OR4K1: variants seen among roughly 807,000 people sequenced by gnomAD.
The protein encoded by OR4K1 is olfactory receptor 4K1.
OR4K1 carries 16 observed loss-of-function variants against 14.4 expected under a neutral mutation model. That is an observed-to-expected ratio of 1.11 (90% CI 0.75 to 1.68). The LOEUF (loss-of-function observed/expected upper bound fraction) is 1.68. OR4K1 is among the 40% of genes most tolerant of loss of function. The pLI is 0.00. For synonymous variants in OR4K1, 181 were observed against 133.1 expected (o/e 1.36, Z -2.48); for missense variants, 548 against 376.9 (o/e 1.45, Z -3.76).
chr14:19,920,874 G>C, the OR4K1 span: 15 of 1,614,010 alleles, frequency 9.3e-6, no homozygotes, highest in Non-Finnish European at 1.3e-5. Context: ...GAGTGCACAC[G>C]AGACCATATC....
chr14:19,934,069 T>C (rs1186573850), intron 1 of OR4K1, among the ~76,000 whole-genome samples: 1 of 152,268 alleles, frequency 6.6e-6, no homozygotes, highest in Admixed American at 6.5e-5. Flanking sequence ...AAATATAAAA[T>C]ATTTATTATT....
the OR4K1 span, chr14:19,921,652 T>C: frequency 7.0e-7 from 1 of 1,426,456 alleles, no homozygotes; most frequent in Non-Finnish European, 9.5e-7. Flanking sequence ...TGTATCTCAA[T>C]TGTGGGGAAA....
the OR4K1 span, chr14:19,920,612 T>TAA: frequency 6.2e-6 from 10 of 1,601,786 alleles, no homozygotes; most frequent in Non-Finnish European, 8.5e-6. Context: ...GAACCATGGA[T>TAA]AAGTCCAATT....
the OR4K1 span, chr14:19,920,575 G>A: frequency 1.3e-6 from 2 of 1,567,082 alleles, no homozygotes; most frequent in Non-Finnish European, 1.7e-6. Context: ...CTCCTTTAGA[G>A]TTGTTTCAGA....
intron 1 of OR4K1, among the ~76,000 whole-genome samples, chr14:19,935,112 C>T (rs1342863622): frequency 6.6e-6 from 1 of 152,248 alleles, no homozygotes; most frequent in Non-Finnish European, 1.5e-5. Flanking sequence ...TCTTAGCACA[C>T]TCTCCAGCCA....
chr14:19,927,680 G>A (rs532409812), upstream of OR4K1, among the ~76,000 whole-genome samples: 48 of 152,302 alleles, frequency 3.2e-4, no homozygotes, highest in Admixed American at 2.9e-3. Flanking sequence ...GTGCCATTCT[G>A]CAGAAAGACC....
intron 1 of OR4K1, among the ~76,000 whole-genome samples, chr14:19,932,949 AAATAAT>A (rs35455962): frequency 4.0e-5 from 6 of 149,890 alleles, no homozygotes; most frequent in African/African-American, 9.8e-5. Flanking sequence ...CTTTATATAA[AAATAAT>A]AATATTTATA....
Position 19,936,462 on chromosome 14 carries a change from C to T in OR4K1, c.796C>T (p.Pro266Ser), listed in dbSNP as rs147347995. 2 of 1,614,014 alleles carry T rather than the reference C, an allele frequency of 1.2e-6. No homozygotes were observed. Residue 266 changes from proline to serine, a missense_variant, in exon 2 of 2, where the codon CCT becomes TCT. Coordinates refer to ENST00000641172, the MANE Select transcript of OR4K1 (RefSeq NM_001004063.3). ...CTATATATGGCCTTTTAGCAGACTT[C>T]CTGTGGACAAATTTCTTTCTGTGTT... ...YFYIWPFSRL[P>S]VDKFLSVFYT... is the part of the protein sequence containing the mutation.
Position 19,936,056 on chromosome 14 carries a change from G to A in OR4K1, c.390G>A (p.Leu130=), listed in dbSNP as rs770049483. ...GATTTATAGCCATATGTAAGCCTCT[G>A]CACTACAGTACAATTATGAACCGGA... ...YDRFIAICKP[L]HYSTIMNRRL... Residue 130 remains leucine (L), a synonymous_variant, in exon 2 of 2, where the codon CTG becomes CTA. Transcript: ENST00000641172. The A allele has an allele frequency of 1.2e-6, 2 of 1,614,244 alleles. No individual in the cohort carries two copies. The highest frequency in any genetic ancestry group is 2.2e-5 in the East Asian group (1 of 44,892).
chr14:19,920,278 C>T, the OR4K1 span, among the ~76,000 whole-genome samples: 9 of 152,338 alleles, frequency 5.9e-5, no homozygotes, highest in East Asian at 1.7e-3. Context: ...CTCTAGGTCA[C>T]TCCTCTAGTC....
the OR4K1 span, chr14:19,920,801 C>A: frequency 2.5e-3 from 4,076 of 1,613,794 alleles, 58 homozygotes; most frequent in African/African-American, 0.05. Context: ...TCTTGGGAAA[C>A]CTTTCCTTTG....
intron 1 of OR4K1, among the ~76,000 whole-genome samples, chr14:19,934,831 C>A (rs921788925): frequency 6.6e-6 from 1 of 152,132 alleles, no homozygotes; most frequent in African/African-American, 2.4e-5. Flanking sequence ...CCACCACGCC[C>A]GGCTAATTTT....
upstream of OR4K1, among the ~76,000 whole-genome samples, chr14:19,926,229 C>G (rs552647400): frequency 1.3e-3 from 191 of 152,266 alleles, no homozygotes; most frequent in African/African-American, 3.9e-3. Flanking sequence ...GAAAACCTCT[C>G]GTCTTTGTCT....
the OR4K1 span, chr14:19,921,399 T>C: frequency 4.3e-6 from 7 of 1,614,140 alleles, no homozygotes; most frequent in South Asian, 1.1e-5. Context: ...CTTTACCATC[T>C]CTCCTTTGGA....
At chr14:19,929,953 G>T (rs527733358), upstream of OR4K1, among the ~76,000 whole-genome samples, 2 of 152,276 alleles carry the variant, frequency 1.3e-5, no homozygotes, top group South Asian at 4.1e-4. Context: ...TAATTCATAA[G>T]TGTGTCCATT....
At chr14:19,930,650 T>G (rs1384237900), upstream of OR4K1, among the ~76,000 whole-genome samples, 1 of 152,264 alleles carries the variant, frequency 6.6e-6, no homozygotes, top group Non-Finnish European at 1.5e-5. Flanking sequence ...ACCTGAATAC[T>G]TCCTTTGCTG....
chr14:19,926,617 C>A (rs1457303772), upstream of OR4K1, among the ~76,000 whole-genome samples: 1 of 152,090 alleles, frequency 6.6e-6, no homozygotes, highest in Non-Finnish European at 1.5e-5. Context: ...CTCTCAAGAT[C>A]ATTGAATGTT....
upstream of OR4K1, among the ~76,000 whole-genome samples, chr14:19,930,719 GAACA>G (rs200153429): frequency 1.8e-4 from 27 of 152,314 alleles, no homozygotes; most frequent in East Asian, 5.8e-4. Context: ...ACTAGTTGGC[GAACA>G]AACAAACAAA....
chr14:19,924,849 A>T, the OR4K1 span, among the ~76,000 whole-genome samples: 1 of 152,242 alleles, frequency 6.6e-6, no homozygotes, highest in African/African-American at 2.4e-5. Flanking sequence ...TTCTAATTTA[A>T]TTAATTCTTA....
Sources: allele counts gnomAD v4.1 joint callset (sites outside exome capture counted in the v4.1 genomes callset), GRCh38; gene constraint gnomAD v4.1.1; transcripts MANE v1.5; gene names NCBI Gene and HGNC (gene_info 2026-07-23, HGNC 2026-07-21).